CCDC148: variants seen among roughly 807,000 people sequenced by gnomAD.
CCDC148 encodes the protein coiled-coil domain-containing protein 148.
CCDC148 carries 89 observed loss-of-function variants against 85.7 expected under a neutral mutation model. The observed-to-expected ratio is 1.04, with a 90% confidence interval of 0.87 to 1.24. The LOEUF is 1.24. Ranked by LOEUF, CCDC148 falls within the 50% of genes most tolerant of loss-of-function variation. The pLI is 0.00. For missense variants in CCDC148, 692 were observed against 671.7 expected, an observed-to-expected ratio of 1.03 and a Z score of -0.33; for synonymous variants, 230 against 213.9, an observed-to-expected ratio of 1.08 and a Z score of -0.66.
chr2:158,187,515 G>T (rs1453659807), intron 11 of CCDC148, among the ~76,000 whole-genome samples: 1 of 151,802 alleles, frequency 6.6e-6, no homozygotes, highest in Non-Finnish European at 1.5e-5. Flanking sequence ...AAACCATCCT[G>T]CAGTCTGGCC....
At chr2:158,434,567 T>C (rs1044702584) in intron 1 of CCDC148, among the ~76,000 whole-genome samples, 5 of 152,112 alleles carry the variant, frequency 3.3e-5, no homozygotes, top group Admixed American at 1.3e-4. Context: ...GTGCCTCTTC[T>C]CCTCCAAAGG....
chr2:158,199,246 T>A (rs1248699842), intron 11 of CCDC148, among the ~76,000 whole-genome samples: 1 of 152,216 alleles, frequency 6.6e-6, no homozygotes, highest in Non-Finnish European at 1.5e-5. Context: ...TTTTAATTTT[T>A]ATTTATATAT....
chr2:158,387,065 T>G (rs1276094913), intron 1 of CCDC148, among the ~76,000 whole-genome samples: 1 of 152,178 alleles, frequency 6.6e-6, no homozygotes, highest in Non-Finnish European at 1.5e-5. Context: ...TTTCTTTGAA[T>G]GTTTCCTTTC....
At chr2:158,429,364 GATAGATAGAT>G (rs1559139132) in intron 1 of CCDC148, among the ~76,000 whole-genome samples, 2 of 99,072 alleles carry the variant, frequency 2.0e-5, no homozygotes, top group Non-Finnish European at 4.4e-5. Context: ...AGCATGAATA[GATAGATAGAT>G]AGATAGATAG....
chr2:158,437,924 G>C (rs1476214833), intron 1 of CCDC148, among the ~76,000 whole-genome samples: 1 of 152,162 alleles, frequency 6.6e-6, no homozygotes, highest in African/African-American at 2.4e-5. Flanking sequence ...CAAGGGACGT[G>C]AAGGACCTCT....
chr2:158,265,389 T>A (rs543423728), intron 9 of CCDC148, among the ~76,000 whole-genome samples: 5 of 152,226 alleles, frequency 3.3e-5, no homozygotes, highest in Admixed American at 1.3e-4. Flanking sequence ...CTTTGTCTCT[T>A]CATAAGAGTC....
chr2:158,425,933 A>G (rs1687056772), intron 1 of CCDC148, among the ~76,000 whole-genome samples: 1 of 152,128 alleles, frequency 6.6e-6, no homozygotes, highest in African/African-American at 2.4e-5. Context: ...GATTATTAGT[A>G]ACTCCTTTTG....
At chr2:158,275,678 T>C (rs551647369) in intron 9 of CCDC148, among the ~76,000 whole-genome samples, 1 of 152,038 alleles carries the variant, frequency 6.6e-6, no homozygotes, top group Non-Finnish European at 1.5e-5. Flanking sequence ...AGAGTTGCAG[T>C]TGGTTATATT....
intron 1 of CCDC148, among the ~76,000 whole-genome samples, chr2:158,406,173 G>A (rs1160146074): frequency 6.6e-6 from 1 of 152,118 alleles, no homozygotes; most frequent in African/African-American, 2.4e-5. Context: ...TGGAATGCTA[G>A]AAATGAATGA....
At position 158,340,400 on chromosome 2, in the gene CCDC148, T is replaced by C; in HGVS notation, c.335-7A>G. 2 of 1,611,946 alleles carry C rather than the reference T, an allele frequency of 1.2e-6. No homozygotes were observed. Among genetic ancestry groups the C allele is most frequent in the African/African-American group, 1.3e-5 (1 of 74,940 alleles). On this transcript the variant is annotated splice_polypyrimidine_tract_variant and splice_region_variant and intron_variant, in intron 4 of 13. Transcript: ENST00000283233. ...TGTTCTGATAGCTCTTGCTCTATGGTGAAACAAAATTGAATTAAAGGAACA... is the reference window on the plus strand; with the variant it reads ...TGTTCTGATAGCTCTTGCTCTATGGCGAAACAAAATTGAATTAAAGGAACA...
At chr2:158,294,957 T>C (rs1691106051) in intron 9 of CCDC148, among the ~76,000 whole-genome samples, 1 of 152,152 alleles carries the variant, frequency 6.6e-6, no homozygotes, top group Admixed American at 6.5e-5. Flanking sequence ...TTAGACTTTC[T>C]GATAGGTAAT....
chr2:158,313,185 A>T (rs1345623940), intron 8 of CCDC148, among the ~76,000 whole-genome samples: 1 of 152,248 alleles, frequency 6.6e-6, no homozygotes, highest in Non-Finnish European at 1.5e-5. Context: ...ACAATAAAAC[A>T]GTAATTTCCC....
Position 158,289,769 on chromosome 2 carries a change from G to A in CCDC148, c.1110+19664C>T, listed in dbSNP as rs186028345. Among the ~76,000 whole-genome samples, 4 of 152,266 alleles carry A rather than the reference G, an allele frequency of 2.6e-5. No individual in the cohort carries two copies. In the East Asian group the frequency reaches 7.7e-4, roughly 29 times the overall value. On this transcript the variant is annotated intron_variant, in intron 9 of 13. Coordinates refer to ENST00000283233, the MANE Select transcript of CCDC148 (RefSeq NM_138803.4). ...GGGAACACATATAAAAACATTTATTGCAACATTGTTTCTAATAACCATGAA... is the reference window on the plus strand; with the variant it reads ...GGGAACACATATAAAAACATTTATTACAACATTGTTTCTAATAACCATGAA...
chr2:158,345,116 A>G (rs1682926869), intron 3 of CCDC148, 99 bp downstream of exon 3: 4 of 748,196 alleles, frequency 5.3e-6, no homozygotes, highest in African/African-American at 1.8e-5. Flanking sequence ...AATTTTTATT[A>G]TAATGGTTAA....
At position 158,220,602 on chromosome 2, in the gene CCDC148, T is replaced by C. The variant is rs1448939832; in HGVS notation, c.1363A>G (p.Arg455Gly). The C allele has an allele frequency of 6.2e-7, 1 of 1,602,324 alleles. No individual in the cohort carries two copies. Among genetic ancestry groups the C allele is most frequent in the South Asian group, 1.1e-5 (1 of 88,814 alleles). The part of the protein sequence containing the change: ...KLIAEQSLKD[R>G]ERVKYRQELL... ...TTTTAAATTTTCTTTTACCTTTCTC[T>C]GTCTTTTAGTGACTGTTCAGCGATT... is the stretch of plus-strand genomic sequence containing the variant. The change falls in exon 11 of 14, where the codon AGA becomes GGA. Residue 455 changes from arginine to glycine, a missense_variant. By Grantham distance (125) the Arg-to-Gly change is moderately radical. Coordinates refer to ENST00000283233, the MANE Select transcript of CCDC148 (RefSeq NM_138803.4).
At chr2:158,397,330 A>C (rs150256676) in intron 1 of CCDC148, among the ~76,000 whole-genome samples, 19 of 152,244 alleles carry the variant, frequency 1.2e-4, no homozygotes, top group African/African-American at 4.6e-4. Context: ...TAATTTTCAG[A>C]TTCACCAAGG....
At chr2:158,339,465 G>T (rs1440131024) in intron 5 of CCDC148, among the ~76,000 whole-genome samples, 1 of 151,972 alleles carries the variant, frequency 6.6e-6, no homozygotes, top group African/African-American at 2.4e-5. Flanking sequence ...ATTTATAAAA[G>T]CAATATAACA....
chr2:158,239,644 A>C (rs1688265758), intron 10 of CCDC148, among the ~76,000 whole-genome samples: 1 of 152,160 alleles, frequency 6.6e-6, no homozygotes, highest in African/African-American at 2.4e-5. Flanking sequence ...AGTTTTAATA[A>C]CAAAACAAGG....
intron 9 of CCDC148, among the ~76,000 whole-genome samples, chr2:158,277,020 AAGTTTAGAGCTGG>A (rs1689980629): frequency 6.6e-6 from 1 of 152,236 alleles, no homozygotes; most frequent in African/African-American, 2.4e-5. Context: ...CAAATCACAG[AAGTTTAGAGCTGG>A]AGATAATGTA....
Sources: allele counts gnomAD v4.1 joint callset (sites outside exome capture counted in the v4.1 genomes callset), GRCh38; gene constraint gnomAD v4.1.1; transcripts MANE v1.5; gene names NCBI Gene and HGNC (gene_info 2026-07-23, HGNC 2026-07-21).